SUPT3H: variants seen among roughly 807,000 people sequenced by gnomAD.
The protein encoded by SUPT3H is transcription initiation protein SPT3 homolog.
SUPT3H carries 44 observed loss-of-function variants against 44.3 expected under a neutral mutation model. The observed-to-expected ratio is 0.99, with a 90% CI of 0.78 to 1.28. SUPT3H has a LOEUF of 1.28. SUPT3H is among the 50% of genes most tolerant of loss of function. The pLI, the probability that SUPT3H is intolerant of heterozygous loss-of-function variation, is 0.00. For missense variants in SUPT3H, 380 were observed against 387.1 expected, an observed-to-expected ratio of 0.98 and a Z score of 0.15; for synonymous variants, 124 against 125.6, an observed-to-expected ratio of 0.99 and a Z score of 0.09.
chr6:45,073,527 G>A (rs1794655350), intron 3 of SUPT3H, among the ~76,000 whole-genome samples: 1 of 151,874 alleles, frequency 6.6e-6, no homozygotes, highest in Admixed American at 6.6e-5. Context: ...TATATTTAAT[G>A]TAAAAAACCA....
chr6:45,142,924 A>G (rs1354155800), intron 2 of SUPT3H, among the ~76,000 whole-genome samples: 1 of 151,912 alleles, frequency 6.6e-6, no homozygotes. Context: ...GTATCAGACA[A>G]AACAGATTTT....
At chr6:44,846,912 G>A (rs1259708986) in intron 10 of SUPT3H, among the ~76,000 whole-genome samples, 3 of 152,194 alleles carry the variant, frequency 2.0e-5, no homozygotes, top group African/African-American at 7.2e-5. Context: ...TTACAGGCGT[G>A]AGGCACTGTA....
intron 3 of SUPT3H, among the ~76,000 whole-genome samples, chr6:45,040,228 C>T (rs773338637): frequency 4.6e-5 from 7 of 152,190 alleles, no homozygotes; most frequent in East Asian, 1.9e-4. Context: ...ACTCTATTTA[C>T]GAAAATAAGC....
chr6:45,287,757 T>A (rs1400164370), intron 2 of SUPT3H, among the ~76,000 whole-genome samples: 1 of 152,204 alleles, frequency 6.6e-6, no homozygotes, highest in Non-Finnish European at 1.5e-5. Flanking sequence ...GTGCAAATGG[T>A]AAATTTAATG....
At chr6:44,823,375 C>T (rs16872599), downstream of SUPT3H, among the ~76,000 whole-genome samples, 600 of 152,174 alleles carry the variant, frequency 3.9e-3, 7 homozygotes, top group African/African-American at 0.014. Context: ...GGAAGGAGAC[C>T]ACCATGAAAA....
At chr6:45,255,757 A>G (rs1773272880) in intron 2 of SUPT3H, among the ~76,000 whole-genome samples, 1 of 152,204 alleles carries the variant, frequency 6.6e-6, no homozygotes, top group African/African-American at 2.4e-5. Flanking sequence ...ATGTTTCAAC[A>G]GCTTTATTGA....
intron 10 of SUPT3H, among the ~76,000 whole-genome samples, chr6:44,830,133 T>C (rs1384487466): frequency 1.3e-5 from 2 of 152,226 alleles, no homozygotes; most frequent in Admixed American, 1.3e-4. Flanking sequence ...TGGGCTTGGT[T>C]AGGCCAAAGA....
At chr6:45,229,316 C>A (rs1166261753) in intron 2 of SUPT3H, among the ~76,000 whole-genome samples, 1 of 151,994 alleles carries the variant, frequency 6.6e-6, no homozygotes, top group East Asian at 1.9e-4. Flanking sequence ...TAAACTCATT[C>A]TTTTTCCTAG....
intron 10 of SUPT3H, among the ~76,000 whole-genome samples, chr6:44,863,199 G>A (rs1774944062): frequency 6.6e-6 from 1 of 152,162 alleles, no homozygotes; most frequent in Non-Finnish European, 1.5e-5. Context: ...TTACTTACCA[G>A]TCACTCTTCT....
chr6:44,892,493 T>A (rs894402172), intron 10 of SUPT3H, among the ~76,000 whole-genome samples: 2 of 152,138 alleles, frequency 1.3e-5, no homozygotes, highest in Non-Finnish European at 1.5e-5. Context: ...GTTTAAGCCA[T>A]AAAGTCTGTG....
In SUPT3H at chr6:45,301,118, T is replaced by C. The variant is rs143279414; in HGVS notation, c.101+64083A>G. Among the ~76,000 whole-genome samples the C allele has an allele frequency of 5.9e-5, 9 of 152,256 alleles. No homozygotes were observed. The East Asian group carries it at 1.7e-3, about 29-fold the overall frequency. Reference sequence around the variant, plus strand: ...TTTCTGGGCAGGCAGGTCCTGGCAATTCTGTGGCACTAGTGAGAACTGAGA... The same window carrying C: ...TTTCTGGGCAGGCAGGTCCTGGCAACTCTGTGGCACTAGTGAGAACTGAGA... On this transcript the variant is annotated intron_variant, in intron 2 of 10. Transcript: ENST00000371459.
At chr6:44,966,572 G>C (rs1347000176) in intron 6 of SUPT3H, among the ~76,000 whole-genome samples, 1 of 151,976 alleles carries the variant, frequency 6.6e-6, no homozygotes, top group African/African-American at 2.4e-5. Context: ...GGCAAAACTA[G>C]AAGTAAAACT....
intron 11 of SUPT3H, among the ~76,000 whole-genome samples, chr6:44,810,836 G>A (rs927180214): frequency 1.1e-4 from 17 of 152,062 alleles, no homozygotes; most frequent in African/African-American, 4.1e-4. Context: ...AACCTGGGAG[G>A]CGGAGGCTGC....
At chr6:45,285,494 T>C (rs1272645054) in intron 2 of SUPT3H, among the ~76,000 whole-genome samples, 5 of 152,056 alleles carry the variant, frequency 3.3e-5, no homozygotes, top group South Asian at 2.1e-4. Context: ...CCATTCACAA[T>C]TGCTTCAAAG....
intron 10 of SUPT3H, among the ~76,000 whole-genome samples, chr6:44,929,295 G>T (rs984356868): frequency 7.9e-5 from 12 of 151,962 alleles, no homozygotes; most frequent in Non-Finnish European, 1.2e-4. Flanking sequence ...AAGATGACTC[G>T]CTAAAAGCAG....
intron 2 of SUPT3H, among the ~76,000 whole-genome samples, chr6:45,122,298 T>C (rs1801794282): frequency 6.6e-6 from 1 of 152,062 alleles, no homozygotes; most frequent in Admixed American, 6.6e-5. Context: ...GAATAATCCA[T>C]AACAAAAAAA....
rs754273922 is a variant in SUPT3H at position 45,158,631 on chromosome 6, A to C, written c.102-52625T>G. On this transcript the variant is annotated intron_variant, in intron 2 of 10. Transcript: ENST00000371459. ...TTGGGGATACCTTTGATTTGGGGTG[A>C]GACATACCCAGCCACTTCCTTGTAT... is the stretch of plus-strand genomic sequence containing the variant. 5.8e-4 allele frequency among the ~76,000 whole-genome samples: 87 copies of C among 150,640 alleles called. 1 individual carries two copies. The highest frequency in any genetic ancestry group is 1.1e-3 in the Non-Finnish European group (73 of 67,744).
At chr6:45,134,685 A>C (rs1359592167) in intron 2 of SUPT3H, among the ~76,000 whole-genome samples, 1 of 152,230 alleles carries the variant, frequency 6.6e-6, no homozygotes, top group East Asian at 1.9e-4. Context: ...AGAAGAAAGC[A>C]GTAAGTAGTC....
intron 3 of SUPT3H, among the ~76,000 whole-genome samples, chr6:45,068,318 TGGG>T (rs1793759707): frequency 1.3e-5 from 1 of 76,280 alleles, no homozygotes; most frequent in Non-Finnish European, 2.5e-5. Flanking sequence ...TGTGGTGGGG[TGGG>T]GGGAGGGGGG....
Sources: gnomAD v4.1 joint callset for allele counts (sites outside exome capture counted in the v4.1 genomes callset) on GRCh38, gnomAD v4.1.1 for gene constraint, MANE v1.5 for transcripts, NCBI Gene and HGNC (gene_info 2026-07-23, HGNC 2026-07-21) for gene names.